Variants in ART3 observed in about 807,000 individuals in gnomAD.
The protein encoded by ART3 is ecto-ADP-ribosyltransferase 3.
In ART3, 49 loss-of-function variants were observed where a neutral mutation model predicts 48.5. The observed-to-expected ratio is 1.01, with a 90% CI of 0.80 to 1.28. The LOEUF (loss-of-function observed/expected upper bound fraction) is 1.28, where lower values mean the gene tolerates loss of function less well. ART3 is among the 50% of genes most tolerant of loss of function. ART3 has a pLI of 0.00. For synonymous variants in ART3, 145 were observed against 157.2 expected (o/e 0.92, Z 0.58); for missense variants, 438 against 454.3 (o/e 0.96, Z 0.33).
At chr4:76,012,306 C>T (rs1001687949) in intron 1 of ART3, 2 of 152,152 alleles carry the variant, frequency 1.3e-5, no homozygotes, top group African/African-American at 2.4e-5. Flanking sequence ...ACCTCCAGGC[C>T]TGTTTGAATT....
At chr4:76,024,271 C>A (rs1733159447) in intron 1 of ART3, among the ~76,000 whole-genome samples, 1 of 151,742 alleles carries the variant, frequency 6.6e-6, no homozygotes, top group Non-Finnish European at 1.5e-5. Flanking sequence ...ACAAAGGGTG[C>A]TTTTTGAGGA....
intron 1 of ART3, among the ~76,000 whole-genome samples, chr4:76,026,953 A>G (rs1324950494): frequency 6.6e-6 from 1 of 152,208 alleles, no homozygotes; most frequent in Non-Finnish European, 1.5e-5. Context: ...ATAAATATCA[A>G]TAAGAGAAAC....
In ART3 at chr4:76,030,963, G is replaced by A. The variant is rs1386233925; in HGVS notation, c.-10+19643G>A. Among the ~76,000 whole-genome samples, 5 of 152,204 alleles carry A rather than the reference G, an allele frequency of 3.3e-5. No individual in the cohort carries two copies. In the East Asian group the frequency reaches 9.6e-4, roughly 29 times the overall value. On this transcript the variant is annotated intron_variant, in intron 1 of 9. Transcript: ENST00000341029. ...TGTACCAGTTTTTGTTTAAAGAGCT[G>A]TTTCAGTTCTTTTGGGTATATACCT...
At chr4:76,067,030 G>A (rs1426595656) in intron 1 of ART3, among the ~76,000 whole-genome samples, 1 of 152,212 alleles carries the variant, frequency 6.6e-6, no homozygotes, top group Non-Finnish European at 1.5e-5. Context: ...TGCCTGCTCT[G>A]TGGAACAGGC....
chr4:76,012,924 TA>T lies in ART3; in HGVS notation c.-10+1609del, dbSNP rs377139432. ...TTTTACAAGAAAAAATCCACATTCT[TA>T]AAAATCTTCATTTACTGTTTATCAT... On this transcript the variant is annotated intron_variant, in intron 1 of 9. Coordinates refer to the ART3 transcript ENST00000341029. 1.3e-3 allele frequency among the ~76,000 whole-genome samples: 197 copies of T among 152,334 alleles called. 3 individuals are homozygous for T. The highest frequency in any genetic ancestry group is 4.4e-3 in the African/African-American group (182 of 41,586).
At chr4:76,086,069 C>A (rs770072664) in intron 3 of ART3, among the ~76,000 whole-genome samples, 2 of 149,668 alleles carry the variant, frequency 1.3e-5, no homozygotes, top group African/African-American at 2.5e-5. Flanking sequence ...TCCCCCCCCC[C>A]GCTCCCTCCC....
intron 1 of ART3, among the ~76,000 whole-genome samples, chr4:76,041,876 G>C (rs954201543): frequency 1.3e-5 from 2 of 152,094 alleles, no homozygotes; most frequent in African/African-American, 4.8e-5. Flanking sequence ...AATTTCCCTA[G>C]TTGTTTTCTT....
intron 10 of ART3, chr4:76,105,847 T>G (rs1578617132): frequency 1.0e-6 from 1 of 985,258 alleles, no homozygotes; most frequent in Non-Finnish European, 1.2e-6. Flanking sequence ...CTTCTCAGGG[T>G]GAAGGAATCT....
chr4:76,048,196 C>A (rs565691286), intron 1 of ART3, among the ~76,000 whole-genome samples: 1 of 152,024 alleles, frequency 6.6e-6, no homozygotes, highest in East Asian at 1.9e-4. Context: ...GTAAGCTTTG[C>A]ATAGTTGTGT....
chr4:76,101,900 C>A (rs535937090), intron 8 of ART3, among the ~76,000 whole-genome samples: 1 of 152,258 alleles, frequency 6.6e-6, no homozygotes, highest in South Asian at 2.1e-4. Context: ...CCTTTTGACT[C>A]GGTTATAACA....
chr4:76,013,104 A>G (rs1731949831), intron 1 of ART3, among the ~76,000 whole-genome samples: 1 of 152,240 alleles, frequency 6.6e-6, no homozygotes, highest in Non-Finnish European at 1.5e-5. Flanking sequence ...AAAGGATTGT[A>G]CAGAATAATT....
chr4:76,022,262 T>G, intron 1 of ART3: 1 of 952,898 alleles, frequency 1.0e-6, no homozygotes, highest in Non-Finnish European at 1.7e-6. Context: ...GGTAACATAC[T>G]TTTAAACCAG....
intron 3 of ART3, among the ~76,000 whole-genome samples, chr4:76,093,716 T>TGTCAA (rs1725417019): frequency 6.6e-6 from 1 of 152,222 alleles, no homozygotes; most frequent in Non-Finnish European, 1.5e-5. Context: ...TACCACAGTA[T>TGTCAA]GTCAAGTTTG....
intron 1 of ART3, among the ~76,000 whole-genome samples, chr4:76,017,020 C>T (rs772612259): frequency 6.6e-6 from 1 of 151,548 alleles, no homozygotes; most frequent in Non-Finnish European, 1.5e-5. Context: ...GCCATCTAAG[C>T]CCAGGCTGGA....
chr4:76,079,875 CTCTCTCTCTCTG>C (rs1169676961), intron 2 of ART3, among the ~76,000 whole-genome samples: 1 of 151,194 alleles, frequency 6.6e-6, no homozygotes, highest in Admixed American at 6.6e-5. Flanking sequence ...GTATCTCTGT[CTCTCTCTCTCTG>C]TCTCTCTCTC....
intron 1 of ART3, among the ~76,000 whole-genome samples, chr4:76,020,284 A>G (rs1578201098): frequency 6.6e-6 from 1 of 151,970 alleles, no homozygotes; most frequent in African/African-American, 2.4e-5. Flanking sequence ...TTTTTGGTAG[A>G]GACAGGGTCT....
intron 1 of ART3, chr4:76,035,917 T>A (rs1299500638): frequency 6.2e-7 from 1 of 1,610,842 alleles, no homozygotes; most frequent in Admixed American, 1.7e-5. Context: ...AAATAAAAAT[T>A]ACTGCATACC....
In ART3 at chr4:76,067,063, C is replaced by T. The variant is rs547350995; in HGVS notation, c.-9-8818C>T. Among the ~76,000 whole-genome samples the T allele has an allele frequency of 1.2e-3, 188 of 152,350 alleles. 3 individuals carry two copies. The South Asian group carries it at 0.037, about 30-fold the overall frequency. On this transcript the variant is annotated intron_variant, in intron 1 of 9. Coordinates refer to the ART3 transcript ENST00000341029. The stretch of plus-strand genomic sequence containing the variant: ...GGCAGCCCTGGCCACACCTTCCTGC[C>T]ACAGCTGGGATGATGGCAGGCCAAC...
intron 1 of ART3, among the ~76,000 whole-genome samples, chr4:76,052,533 C>T (rs568579071): frequency 6.6e-6 from 1 of 151,916 alleles, no homozygotes; most frequent in African/African-American, 2.4e-5. Context: ...GAAATTAGGG[C>T]TTTTAGTGTA....
Sources: allele counts gnomAD v4.1 joint callset (sites outside exome capture counted in the v4.1 genomes callset), GRCh38; gene constraint gnomAD v4.1.1; transcripts MANE v1.5; gene names NCBI Gene and HGNC (gene_info 2026-07-23, HGNC 2026-07-21).